Variants in GAB3 observed in about 807,000 individuals in gnomAD.
GAB3 encodes the protein GRB2 associated binding protein 3, also known as GRB2-associated-binding protein 3.
GAB3 carries 12 observed loss-of-function variants against 40.4 expected under a neutral mutation model. The observed-to-expected ratio is 0.30, with a 90% CI of 0.19 to 0.48. The LOEUF is 0.48. Ranked by LOEUF, GAB3 falls within the 20% of genes least tolerant of loss-of-function variation. GAB3 has a pLI of 0.99. For synonymous variants in GAB3, 154 were observed against 176.7 expected (o/e 0.87, Z 1.02); for missense variants, 381 against 461.9 (o/e 0.82, Z 1.61).
In GAB3 at chrX:154,721,974, C is replaced by T. The variant is rs1207913608; in HGVS notation, c.73-5645G>A. On this transcript the variant is annotated intron_variant, in intron 1 of 9. Coordinates refer to ENST00000424127, the MANE Select transcript of GAB3 (RefSeq NM_001081573.3). Reference sequence around the variant, plus strand: ...TCACCCTCTCATAAAGATATCTGCACTCCCATGATCAGTGCAGCATTAATT... The same window carrying T: ...TCACCCTCTCATAAAGATATCTGCATTCCCATGATCAGTGCAGCATTAATT... 8.0e-5 allele frequency among the ~76,000 whole-genome samples: 9 copies of T among 112,054 alleles called. No individual in the cohort carries two copies. The East Asian group carries it at 2.5e-3, about 31-fold the overall frequency.
At chrX:154,678,358 C>T in intron 9 of GAB3, 64 bp from the exon 10 acceptor site, 1 of 598,990 alleles carries the variant, frequency 1.7e-6, no homozygotes, top group Non-Finnish European at 2.8e-6. Context: ...AAATGTTTAC[C>T]CTTTTGTATT....
intron 1 of GAB3, among the ~76,000 whole-genome samples, chrX:154,742,991 T>C (rs1264151464): frequency 2.1e-5 from 2 of 93,906 alleles, no homozygotes; most frequent in Non-Finnish European, 4.3e-5. Flanking sequence ...TGTACATATA[T>C]ATATATATAT....
At chrX:154,689,036 A>G (rs1010123380) in intron 8 of GAB3, among the ~76,000 whole-genome samples, 1 of 110,929 alleles carries the variant, frequency 9.0e-6, no homozygotes, top group Admixed American at 9.5e-5. Flanking sequence ...GGCAAAACGA[A>G]TCCAGCAGCA....
chrX:154,745,182 AT>A (rs2071507569), intron 1 of GAB3, among the ~76,000 whole-genome samples: 1 of 110,682 alleles, frequency 9.0e-6, no homozygotes. Flanking sequence ...AAATTCAAAA[AT>A]TAGCCAGGCA....
chrX:154,741,286 G>A (rs1185039099), intron 1 of GAB3, among the ~76,000 whole-genome samples: 3 of 111,782 alleles, frequency 2.7e-5, no homozygotes, highest in African/African-American at 9.8e-5. Context: ...TCTCTGGTAT[G>A]TCTGTATTAG....
chrX:154,708,248 C>T (rs1200747884), intron 4 of GAB3, among the ~76,000 whole-genome samples: 1 of 112,099 alleles, frequency 8.9e-6, no homozygotes, highest in African/African-American at 3.2e-5. Context: ...AGACTTCAAT[C>T]TAAAATCTAA....
chrX:154,699,141 T>C (rs2070702711), intron 6 of GAB3, among the ~76,000 whole-genome samples, 153 bp downstream of exon 6: 1 of 111,128 alleles, frequency 9.0e-6, no homozygotes, highest in African/African-American at 3.3e-5. Context: ...CCCCAGCCCT[T>C]CCTATTCCAA....
At position 154,677,148 on chromosome X, in the gene GAB3, A is replaced by T. The variant is rs1295044282; in HGVS notation, c.*1030T>A. The T allele has an allele frequency of 8.9e-6, 1 of 111,845 alleles. No homozygotes were observed. 9.2% of individuals were successfully genotyped at this position (111,845 alleles called of 1,213,427 possible). A position where few individuals can be genotyped will look rare whatever the true frequency, so the allele number is the denominator to read the frequency against. ...CCATCAGTAGGTATTTCTAATTGTAACTACTGATGGGAGAGTTCCAGTTGA... is the reference window on the plus strand; with the variant it reads ...CCATCAGTAGGTATTTCTAATTGTATCTACTGATGGGAGAGTTCCAGTTGA... On this transcript the variant is annotated 3_prime_UTR_variant, in exon 10 of 10. Coordinates refer to ENST00000424127, the MANE Select transcript of GAB3 (RefSeq NM_001081573.3).
chrX:154,688,117 A>G (rs781883515), intron 8 of GAB3, among the ~76,000 whole-genome samples: 19 of 112,302 alleles, frequency 1.7e-4, no homozygotes, highest in Non-Finnish European at 3.2e-4. Flanking sequence ...GTTCTTAGAC[A>G]TAACAATCCA....
intron 5 of GAB3, 24 bp from the exon 6 acceptor site, chrX:154,699,537 G>A (rs1291112553): frequency 8.6e-7 from 1 of 1,163,027 alleles, no homozygotes; most frequent in African/African-American, 1.8e-5. Context: ...GATACAGATT[G>A]GGAACCACAG....
At chrX:154,696,644 T>C (rs782184434) in intron 7 of GAB3, among the ~76,000 whole-genome samples, 3 of 112,362 alleles carry the variant, frequency 2.7e-5, no homozygotes, top group Admixed American at 1.9e-4. Context: ...ACCTGGGAAC[T>C]CCCTTGTCCT....
intron 5 of GAB3, 117 bp from the exon 6 acceptor site, chrX:154,699,630 A>C: frequency 1.7e-6 from 1 of 589,489 alleles, no homozygotes; most frequent in Non-Finnish European, 2.6e-6. Flanking sequence ...ATAACTCTGA[A>C]CTTCCTCAGC....
chrX:154,690,519 C>G (rs2070541742), intron 8 of GAB3, among the ~76,000 whole-genome samples: 1 of 112,291 alleles, frequency 8.9e-6, no homozygotes, highest in African/African-American at 3.2e-5. Context: ...ACCTACTCAT[C>G]TGACAATGGG....
intron 4 of GAB3, among the ~76,000 whole-genome samples, chrX:154,706,938 T>C (rs1385922805): frequency 3.6e-5 from 3 of 83,505 alleles, no homozygotes; most frequent in African/African-American, 1.2e-4. Flanking sequence ...AAAAAAAAAA[T>C]TAGAAAGAAC....
intron 1 of GAB3, among the ~76,000 whole-genome samples, chrX:154,738,054 T>C (rs1905701357): frequency 8.9e-6 from 1 of 112,578 alleles, no homozygotes; most frequent in Admixed American, 9.4e-5. Context: ...ACAGTAATAA[T>C]GTAGGTCCTG....
At chrX:154,723,013 G>A (rs1165315810) in intron 1 of GAB3, among the ~76,000 whole-genome samples, 8 of 110,849 alleles carry the variant, frequency 7.2e-5, no homozygotes, top group African/African-American at 2.3e-4. Context: ...CAAGTAGCTG[G>A]GATTACAGGC....
chrX:154,747,139 G>T, intron 1 of GAB3, among the ~76,000 whole-genome samples: 1 of 111,901 alleles, frequency 8.9e-6, no homozygotes, highest in East Asian at 2.8e-4. Flanking sequence ...CCAAGTAGCT[G>T]GGATTACAGG....
chrX:154,722,266 A>T (rs1033012989), intron 1 of GAB3, among the ~76,000 whole-genome samples: 4 of 106,764 alleles, frequency 3.7e-5, no homozygotes, highest in Admixed American at 2.0e-4. Flanking sequence ...ATAAATATAT[A>T]AAAAAAAAAC....
chrX:154,724,055 C>T (rs7049872), intron 1 of GAB3, among the ~76,000 whole-genome samples: 4,029 of 111,618 alleles, frequency 0.036, 189 homozygotes, highest in African/African-American at 0.12. Context: ...ACTTATAAAA[C>T]GACAATGTGG....
Sources: gnomAD v4.1 joint callset for allele counts (sites outside exome capture counted in the v4.1 genomes callset) on GRCh38, gnomAD v4.1.1 for gene constraint, MANE v1.5 for transcripts, NCBI Gene and HGNC (gene_info 2026-07-23, HGNC 2026-07-21) for gene names.